The following PITRM1 variants were observed in gnomAD, a reference collection of about 807,000 sequenced individuals.
The protein encoded by PITRM1 is pitrilysin metallopeptidase 1.
A neutral mutation model predicts 129.9 loss-of-function variants in PITRM1; 100 were observed. The observed-to-expected ratio is 0.77, with a 90% CI of 0.65 to 0.91. The LOEUF (loss-of-function observed/expected upper bound fraction) is 0.91. Among genes scored for constraint, PITRM1 ranks in the 40% least tolerant of loss-of-function variants. The pLI, the probability that PITRM1 is intolerant of heterozygous loss-of-function variation, is 0.00. For missense variants in PITRM1, 1,471 were observed against 1,318.3 expected (o/e 1.12, Z -1.79); for synonymous variants, 591 against 508.8 (o/e 1.16, Z -2.17).
intron 16 of PITRM1, 73 bp downstream of exon 16, chr10:3,149,548 G>C (rs1340882560): frequency 7.3e-7 from 1 of 1,373,308 alleles, no homozygotes; most frequent in African/African-American, 1.5e-5. Flanking sequence ...AATTCCTACT[G>C]ATGCATTAGA....
At chr10:3,159,075 GAA>G in intron 9 of PITRM1, 33 bp from the exon 10 acceptor site, 1 of 1,582,618 alleles carries the variant, frequency 6.3e-7, no homozygotes. Context: ...GGGGAGGTAA[GAA>G]AAGAGTAAAG....
At chr10:3,146,840 C>G (rs3740609) in intron 20 of PITRM1, 32,989 of 186,638 alleles carry the variant, frequency 0.18, 3,153 homozygotes, top group African/African-American at 0.23. Context: ...CACTTTTACT[C>G]TGGTCTTCAG....
intron 10 of PITRM1, among the ~76,000 whole-genome samples, chr10:3,158,612 C>T (rs1012992954): frequency 2.6e-5 from 4 of 152,126 alleles, no homozygotes; most frequent in African/African-American, 9.7e-5. Context: ...CATTCTGAGG[C>T]CCTGGAAAAG....
At chr10:3,172,488 C>G (rs1173973495) in intron 1 of PITRM1, among the ~76,000 whole-genome samples, 2 of 152,190 alleles carry the variant, frequency 1.3e-5, no homozygotes, top group African/African-American at 4.8e-5. Flanking sequence ...GCAGGCCCGG[C>G]CCCCAGCCCG....
At chr10:3,166,103 A>G (rs1247131112) in intron 4 of PITRM1, 126 bp downstream of exon 4, 3 of 682,658 alleles carry the variant, frequency 4.4e-6, no homozygotes, top group Non-Finnish European at 4.7e-6. Flanking sequence ...TCAACTAGAG[A>G]GAGGTAAAAA....
chr10:3,144,010 C>A lies in PITRM1; in HGVS notation c.2532+282G>T, dbSNP rs1474114753. The A allele has an allele frequency of 7.1e-6, 4 of 559,844 alleles. No individual in the cohort carries two copies. In the East Asian group the frequency reaches 1.2e-4, roughly 17 times the overall value. The allele number at this position is 559,844 out of a possible 1,614,324, so 34.7% of individuals were successfully genotyped here. On this transcript the variant is annotated intron_variant, in intron 22 of 26. Transcript: ENST00000224949. ...GGGTGAGTTGCCCGGGAGGAGACCA[C>A]CCAGAGCAGTAGCCCTCTTCCTGGG...
intron 10 of PITRM1, 86 bp from the exon 11 acceptor site, chr10:3,158,239 G>A (rs535392902): frequency 1.7e-5 from 13 of 777,276 alleles, no homozygotes; most frequent in South Asian, 3.1e-5. Context: ...AGATCAGAAC[G>A]AAGCGCCTTA....
chr10:3,164,249 C>G (rs1842688524), intron 6 of PITRM1: 1 of 155,094 alleles, frequency 6.4e-6, no homozygotes. Context: ...CAAGAAGACT[C>G]CTTGGAAGAA....
rs1042079082 is a variant in PITRM1, at chr10:3,154,012, C to T, written c.1621+1579G>A. Among the ~76,000 whole-genome samples the T allele has an allele frequency of 1.1e-4, 16 of 152,294 alleles. No homozygotes were observed. In the South Asian group the frequency reaches 3.1e-3, roughly 30 times the overall value. ...ATCATAGTACTGGGCCTTTCTAGCA[C>T]CCCAAAACTCTCCCATCCCCACTGC... is the stretch of plus-strand genomic sequence containing the variant. On this transcript the variant is annotated intron_variant, in intron 14 of 26. Coordinates refer to ENST00000224949, the MANE Select transcript of PITRM1 (RefSeq NM_014889.4).
chr10:3,157,777 T>C lies in PITRM1; in HGVS notation c.1251-246A>G, dbSNP rs534321086. ...ACCTGAGCCTGGTAGGGGAGGAAAA[T>C]GCAGTGAGCTGAGATCACGCCACTG... On this transcript the variant is annotated intron_variant, in intron 11 of 26. Transcript: ENST00000224949. 8.5e-5 allele frequency among the ~76,000 whole-genome samples: 13 copies of C among 152,210 alleles called. No individual in the cohort carries two copies. The South Asian group carries it at 1.0e-3, about 12-fold the overall frequency.
intron 6 of PITRM1, among the ~76,000 whole-genome samples, chr10:3,164,678 A>G (rs1342218472): frequency 6.6e-6 from 1 of 152,192 alleles, no homozygotes; most frequent in Non-Finnish European, 1.5e-5. Context: ...TAATTTTTCT[A>G]TATTCTAAAT....
intron 21 of PITRM1, chr10:3,145,361 C>T (rs1840744662): frequency 3.8e-6 from 2 of 531,730 alleles, no homozygotes; most frequent in South Asian, 2.5e-5. Flanking sequence ...CACTGCAAGG[C>T]ACAGAAGTGA....
intron 7 of PITRM1, among the ~76,000 whole-genome samples, chr10:3,162,011 A>C (rs1165652766): frequency 6.6e-6 from 1 of 151,822 alleles, no homozygotes; most frequent in East Asian, 1.9e-4. Context: ...TCTCTACAAA[A>C]AAATATAAGC....
At chr10:3,141,573 C>A in intron 23 of PITRM1, 1 of 410,518 alleles carries the variant, frequency 2.4e-6, no homozygotes, top group Non-Finnish European at 5.1e-6. Context: ...CTGCCTTCCA[C>A]TGTGAACGGT....
chr10:3,137,848 T>C lies in PITRM1; in HGVS notation c.*183A>G, dbSNP rs1425393878. ...ATCTTTGGCGCTTCATGCATGATTA[T>C]TTCAATGAACCTCTTCCTGGTCACT... On this transcript the variant is annotated 3_prime_UTR_variant, in exon 27 of 27. Transcript: ENST00000224949. The C allele has an allele frequency of 6.9e-6, 4 of 583,436 alleles. No individual in the cohort carries two copies. The highest frequency in any genetic ancestry group is 2.9e-5 in the East Asian group (1 of 34,826). The allele number at this position is 583,436 out of a possible 1,614,324, so 36.1% of individuals were successfully genotyped here. A position where few individuals can be genotyped will look rare whatever the true frequency, so the allele number is the denominator to read the frequency against.
intron 2 of PITRM1, among the ~76,000 whole-genome samples, chr10:3,167,283 G>A (rs1170819307): frequency 7.0e-6 from 1 of 143,782 alleles, no homozygotes; most frequent in Non-Finnish European, 1.5e-5. Flanking sequence ...GAAAGAGAGA[G>A]AGAGCGAGCG....
intron 1 of PITRM1, chr10:3,172,204 G>A (rs1363132201): frequency 4.4e-6 from 2 of 456,916 alleles, no homozygotes; most frequent in Admixed American, 2.3e-5. Context: ...ACGGGCTCGT[G>A]GATTACCATG....
At chr10:3,156,798 A>G in intron 13 of PITRM1, 132 bp downstream of exon 13, 1 of 598,392 alleles carries the variant, frequency 1.7e-6, no homozygotes, top group South Asian at 3.2e-5. Context: ...TAAGCATTTA[A>G]ATTTTTAATT....
intron 14 of PITRM1, among the ~76,000 whole-genome samples, chr10:3,154,013 C>G (rs781283731): frequency 5.3e-5 from 8 of 152,152 alleles, no homozygotes; most frequent in Admixed American, 1.3e-4. Context: ...TTTCTAGCAC[C>G]CCAAAACTCT....
Sources: gnomAD v4.1 joint callset for allele counts (sites outside exome capture counted in the v4.1 genomes callset) on GRCh38, gnomAD v4.1.1 for gene constraint, MANE v1.5 for transcripts, NCBI Gene and HGNC (gene_info 2026-07-23, HGNC 2026-07-21) for gene names.